KAZN: variants seen among roughly 807,000 people sequenced by gnomAD.
KAZN encodes kazrin, periplakin interacting protein, also known as kazrin.
KAZN carries 40 observed loss-of-function variants against 87.4 expected under a neutral mutation model. The ratio of observed to expected loss-of-function variants is 0.46; its 90% confidence interval spans 0.36 to 0.60. The LOEUF (loss-of-function observed/expected upper bound fraction) is 0.60. Among genes scored for constraint, KAZN ranks in the 20% least tolerant of loss-of-function variants. KAZN has a pLI of 0.00. For synonymous variants in KAZN, 466 were observed against 458.3 expected, an observed-to-expected ratio of 1.02 and a Z score of -0.22; for missense variants, 898 against 1,073.9, an observed-to-expected ratio of 0.84 and a Z score of 2.29.
intron 1 of KAZN, among the ~76,000 whole-genome samples, chr1:14,103,245 CTTG>C: frequency 6.6e-6 from 1 of 152,190 alleles, no homozygotes; most frequent in South Asian, 2.1e-4. Context: ...GGACACCAGT[CTTG>C]TTGTATTGGG....
chr1:14,222,208 A>G (rs902163330), intron 2 of KAZN: 37 of 152,210 alleles, frequency 2.4e-4, no homozygotes, highest in African/African-American at 8.2e-4. Context: ...GCTCTTTAAA[A>G]GTTACCAATT....
At chr1:14,052,563 A>T (rs1440262641) in intron 1 of KAZN, among the ~76,000 whole-genome samples, 1 of 150,974 alleles carries the variant, frequency 6.6e-6, no homozygotes, top group African/African-American at 2.4e-5. Flanking sequence ...AGAGAAATTG[A>T]CAGGAAGATG....
intron 2 of KAZN, among the ~76,000 whole-genome samples, chr1:14,475,850 T>C (rs1668693270): frequency 6.6e-6 from 1 of 152,182 alleles, no homozygotes; most frequent in African/African-American, 2.4e-5. Context: ...GATTTTTTTT[T>C]TAATTCCTGT....
intron 1 of KAZN, among the ~76,000 whole-genome samples, chr1:14,830,466 G>A (rs1034097192): frequency 6.6e-5 from 10 of 152,174 alleles, no homozygotes; most frequent in Admixed American, 4.6e-4. Flanking sequence ...CAAGAGAGAA[G>A]GGGCGTATTA....
intron 1 of KAZN, among the ~76,000 whole-genome samples, chr1:14,624,901 C>T (rs1211864603): frequency 1.3e-5 from 2 of 152,044 alleles, no homozygotes; most frequent in Admixed American, 1.3e-4. Flanking sequence ...GTCTACCTAC[C>T]CTGCTTGATC....
At chr1:14,561,840 G>T (rs1674273959) in intron 2 of KAZN, among the ~76,000 whole-genome samples, 1 of 151,876 alleles carries the variant, frequency 6.6e-6, no homozygotes. Context: ...GGAAGCGGAG[G>T]TTGCAGTGAG....
At chr1:14,120,057 T>C (rs1644717897) in intron 1 of KAZN, among the ~76,000 whole-genome samples, 1 of 152,146 alleles carries the variant, frequency 6.6e-6, no homozygotes, top group Non-Finnish European at 1.5e-5. Context: ...GGTTTTCCTG[T>C]GTATATTGTA....
intron 2 of KAZN, among the ~76,000 whole-genome samples, chr1:14,427,962 A>G (rs770500823): frequency 8.5e-5 from 13 of 152,190 alleles, no homozygotes. Flanking sequence ...ACGATTGGCA[A>G]CAGCTCTACT....
chr1:14,871,455 G>A (rs1002211678), intron 1 of KAZN, among the ~76,000 whole-genome samples: 1 of 152,102 alleles, frequency 6.6e-6, no homozygotes, highest in African/African-American at 2.4e-5. Flanking sequence ...GGGGAAAAGT[G>A]TACAAGTCGC....
At chr1:14,604,687 T>C (rs76488299) in intron 1 of KAZN, among the ~76,000 whole-genome samples, 79 of 152,354 alleles carry the variant, frequency 5.2e-4, no homozygotes, top group African/African-American at 1.7e-3. Context: ...TACAAGATCA[T>C]TGGGGCTAAA....
At chr1:14,956,451 A>AG in intron 1 of KAZN, among the ~76,000 whole-genome samples, 1 of 151,888 alleles carries the variant, frequency 6.6e-6, no homozygotes, top group Admixed American at 6.6e-5. Flanking sequence ...AATACAAAAA[A>AG]TTACCCAGGC....
intron 1 of KAZN, among the ~76,000 whole-genome samples, chr1:14,933,462 G>A (rs1660083948): frequency 6.6e-6 from 1 of 152,126 alleles, no homozygotes; most frequent in African/African-American, 2.4e-5. Flanking sequence ...ACATCTGGAA[G>A]TACCTTGTCT....
At chr1:15,040,412 G>T (rs906091600) in intron 3 of KAZN, among the ~76,000 whole-genome samples, 3 of 152,208 alleles carry the variant, frequency 2.0e-5, no homozygotes, top group African/African-American at 7.2e-5. Context: ...GAGCTACTGG[G>T]AGTCGGGGGA....
At chr1:14,554,833 T>A (rs1257026850) in intron 2 of KAZN, among the ~76,000 whole-genome samples, 3 of 152,224 alleles carry the variant, frequency 2.0e-5, no homozygotes, top group Non-Finnish European at 4.4e-5. Flanking sequence ...AACAGATCGT[T>A]ATTACCAATC....
intron 1 of KAZN, among the ~76,000 whole-genome samples, chr1:14,086,826 G>T (rs964460594): frequency 6.6e-6 from 1 of 152,156 alleles, no homozygotes; most frequent in Admixed American, 6.5e-5. Flanking sequence ...CCATTGAATT[G>T]TCTTGACATC....
chr1:13,915,259 G>T (rs1213894519), intron 1 of KAZN, among the ~76,000 whole-genome samples: 2 of 152,152 alleles, frequency 1.3e-5, no homozygotes, highest in Non-Finnish European at 2.9e-5. Context: ...CCCTTTGGGT[G>T]GATGACACAC....
chr1:14,488,484 A>G (rs937389143), intron 2 of KAZN, among the ~76,000 whole-genome samples: 1 of 152,214 alleles, frequency 6.6e-6, no homozygotes, highest in African/African-American at 2.4e-5. Context: ...AGACACAGGC[A>G]CATTATGTAA....
intron 1 of KAZN, among the ~76,000 whole-genome samples, chr1:14,947,428 C>T (rs569661831): frequency 1.3e-5 from 2 of 152,316 alleles, no homozygotes; most frequent in South Asian, 4.1e-4. Context: ...GAGATTGTTG[C>T]AAGAGCCAAG....
In KAZN at chr1:15,109,913, GTT is replaced by G. The variant is rs1486658456; in HGVS notation, c.2049-2512_2049-2511del. Among the ~76,000 whole-genome samples the G allele has an allele frequency of 4.0e-5, 6 of 151,500 alleles. No individual in the cohort carries two copies. The East Asian group carries it at 7.8e-4, about 20-fold the overall frequency. ...CTTGTGTGTATATGTGTTTGTGTATGTTTGTGTATGGGTGTGTGTGTGTGTGT... is the reference window on the plus strand; with the variant it reads ...CTTGTGTGTATATGTGTTTGTGTATGTGTGTATGGGTGTGTGTGTGTGTGT... On this transcript the variant is annotated intron_variant, in intron 13 of 14. Transcript: ENST00000376030.
Sources: gnomAD v4.1 joint callset for allele counts (sites outside exome capture counted in the v4.1 genomes callset) on GRCh38, gnomAD v4.1.1 for gene constraint, MANE v1.5 for transcripts, NCBI Gene and HGNC (gene_info 2026-07-23, HGNC 2026-07-21) for gene names.